The following GRIN2B variants were observed in gnomAD, a reference collection of about 807,000 sequenced individuals.
The protein encoded by GRIN2B is glutamate receptor ionotropic, NMDA 2B.
In GRIN2B, 5 loss-of-function variants were observed where a neutral mutation model predicts 114.5. The observed-to-expected ratio is 0.04, with a 90% CI of 0.02 to 0.09. The LOEUF (loss-of-function observed/expected upper bound fraction) is 0.09, where lower values mean the gene tolerates loss of function less well. GRIN2B is among the 10% of genes least tolerant of loss of function. GRIN2B has a pLI of 1.00. For missense variants in GRIN2B, 1,108 were observed against 1,943.5 expected (o/e 0.57, Z 8.08); for synonymous variants, 787 against 745.1 (o/e 1.06, Z -0.92).
At chr12:13,611,700 G>T (rs1356114260) in intron 9 of GRIN2B, 25 bp downstream of exon 9, 1 of 1,611,292 alleles carries the variant, frequency 6.2e-7, no homozygotes, top group East Asian at 2.2e-5. Context: ...AACTGGGGAA[G>T]TGCAGCGGTT....
chr12:13,562,822 A>T lies in GRIN2B; in HGVS notation c.4416T>A (p.His1472Gln). The change falls in exon 14 of 14, where the codon CAT (histidine) becomes CAA (glutamine). Residue 1472 changes from histidine (H) to glutamine (Q), a missense_variant. Coordinates refer to ENST00000609686, the MANE Select transcript of GRIN2B (RefSeq NM_000834.5). ...CAATACTAGAAAGTTTCTCATAAAC[A>T]TGCCCATTGCTGGAGCCATTGAAAG... Reference protein sequence around the residue: ...PRAFNGSSNGHVYEKLSSIES... With the variant: ...PRAFNGSSNGQVYEKLSSIES... 6.2e-7 allele frequency: 1 copy of T among 1,614,196 alleles called. No individual in the cohort carries two copies. The highest frequency in any genetic ancestry group is 8.5e-7 in the Non-Finnish European group (1 of 1,180,010).
In GRIN2B at chr12:13,753,978, A is replaced by G. The variant is rs1863535332; in HGVS notation, c.412-63T>C. The G allele has an allele frequency of 9.4e-7, 1 of 1,064,292 alleles. No homozygotes were observed. The highest frequency in any genetic ancestry group is 2.4e-5 in the East Asian group (1 of 41,152). The allele number at this position is 1,064,292 out of a possible 1,614,324, so 65.9% of individuals were successfully genotyped here. On this transcript the variant is annotated intron_variant, in intron 3 of 13. Transcript: ENST00000609686. This position sits in a 1 kb window ranked among gnomAD's most constrained non-coding sequence, Gnocchi z 6.2. ...AAAATCAAACCAAAGATGGTAATGG[A>G]GATTTTGAACCAAGTGGGTACAAAG...
chr12:13,967,092 T>A (rs111982984), intron 2 of GRIN2B, among the ~76,000 whole-genome samples: 1,864 of 152,268 alleles, frequency 0.012, 49 homozygotes, highest in African/African-American at 0.043. Flanking sequence ...ATACAACTCA[T>A]TTCACCTTCT....
rs373605349 is a variant in GRIN2B at position 13,590,396 on chromosome 12, C to T, written c.2010+18207G>A. Among the ~76,000 whole-genome samples, 7 of 152,196 alleles carry T rather than the reference C, an allele frequency of 4.6e-5. No individual in the cohort carries two copies. The East Asian group carries it at 9.7e-4, about 21-fold the overall frequency. On this transcript the variant is annotated intron_variant, in intron 10 of 13. Coordinates refer to ENST00000609686, the MANE Select transcript of GRIN2B (RefSeq NM_000834.5). ...TAATGCTCTCCCTCCCCTAGCCCCC[C>T]ACTCCCGACAGGTGCTGGTGTGTGA...
intron 2 of GRIN2B, among the ~76,000 whole-genome samples, chr12:13,979,055 C>T (rs1220508199): frequency 6.6e-6 from 1 of 152,170 alleles, no homozygotes; most frequent in Non-Finnish European, 1.5e-5. Flanking sequence ...TTCTGCACCC[C>T]TTCCACATGC....
rs117849485 is a variant in GRIN2B at position 13,922,717 on chromosome 12, G to A, written c.-18-56491C>T. 1.5e-3 allele frequency among the ~76,000 whole-genome samples: 235 copies of A among 152,318 alleles called. 1 individual carries two copies. The highest frequency in any genetic ancestry group is 2.8e-3 in the Non-Finnish European group (190 of 68,026). On this transcript the variant is annotated intron_variant, in intron 2 of 13. Transcript: ENST00000609686. ...AAGAGAGATGATGAAGTGGATATCT[G>A]TTGGCTTTGCCTGCTGGGCACCTGA... is the stretch of plus-strand genomic sequence containing the variant.
At chr12:13,939,603 A>T (rs1424941776) in intron 2 of GRIN2B, among the ~76,000 whole-genome samples, 2 of 126,992 alleles carry the variant, frequency 1.6e-5, no homozygotes, top group Admixed American at 2.0e-4. Flanking sequence ...CACCCAGGCT[A>T]GAGTGCAGTA....
At chr12:13,877,868 T>C (rs1866013049) in intron 2 of GRIN2B, among the ~76,000 whole-genome samples, 1 of 151,852 alleles carries the variant, frequency 6.6e-6, no homozygotes. Context: ...ATTGAGACCA[T>C]CCAGGCTAAC....
intron 3 of GRIN2B, among the ~76,000 whole-genome samples, chr12:13,834,218 T>TTTTTTTTTTTTTTTTC (rs1565555844): frequency 6.8e-6 from 1 of 146,514 alleles, no homozygotes; most frequent in African/African-American, 2.6e-5. Flanking sequence ...TTTTTTTTTT[T>TTTTTTTTTTTTTTTTC]AGTAGAGATG....
intron 4 of GRIN2B, among the ~76,000 whole-genome samples, chr12:13,741,701 C>T (rs191636114): frequency 3.3e-5 from 5 of 152,214 alleles, no homozygotes; most frequent in Admixed American, 1.3e-4. Flanking sequence ...ACTACAGGTG[C>T]ATGCCACCAT....
Position 13,804,157 on chromosome 12 carries a change from C to CTTT in GRIN2B, c.412-50245_412-50243dup, listed in dbSNP as rs10626018. Reference sequence around the variant, plus strand: ...TGTACCTTGTCATTTCTGCAGCTCTCTTTTTTTTTTTTGTTAGTGAGATAT... The same window carrying CTTT: ...TGTACCTTGTCATTTCTGCAGCTCTCTTTTTTTTTTTTTTTGTTAGTGAGATAT... On this transcript the variant is annotated intron_variant, in intron 3 of 13. Coordinates refer to ENST00000609686, the MANE Select transcript of GRIN2B (RefSeq NM_000834.5). Among the ~76,000 whole-genome samples the CTTT allele has an allele frequency of 2.0e-3, 286 of 143,466 alleles. 1 individual carries two copies. The highest frequency in any genetic ancestry group is 5.3e-3 in the South Asian group (24 of 4,524). The allele number at this position is 143,466 out of a possible 152,430, so 94.1% of individuals were successfully genotyped here.
chr12:13,581,377 A>C (rs1948846756), intron 10 of GRIN2B, among the ~76,000 whole-genome samples: 1 of 152,190 alleles, frequency 6.6e-6, no homozygotes, highest in Non-Finnish European at 1.5e-5. Context: ...ATTAGGGTGA[A>C]GGGATATGTA....
intron 4 of GRIN2B, among the ~76,000 whole-genome samples, chr12:13,712,405 A>ATATAT (rs57234423): frequency 0.029 from 4,351 of 151,958 alleles, 197 homozygotes; most frequent in African/African-American, 0.1. Flanking sequence ...ATAAAATAAA[A>ATATAT]TATATTATTA....
intron 2 of GRIN2B, among the ~76,000 whole-genome samples, chr12:13,888,971 TAATA>T (rs1866212432): frequency 1.3e-5 from 2 of 152,264 alleles, no homozygotes; most frequent in Admixed American, 1.3e-4. Context: ...GTTTCTTCAG[TAATA>T]AATTAGCTTA....
At chr12:13,726,773 AATG>A (rs1204808826) in intron 4 of GRIN2B, among the ~76,000 whole-genome samples, 2 of 151,876 alleles carry the variant, frequency 1.3e-5, no homozygotes, top group Admixed American at 6.6e-5. Flanking sequence ...TCACCTGAGC[AATG>A]TACCCTGTAC....
intron 4 of GRIN2B, among the ~76,000 whole-genome samples, chr12:13,710,266 A>AAT (rs1565509088): frequency 1.3e-5 from 2 of 152,100 alleles, no homozygotes; most frequent in Non-Finnish European, 2.9e-5. Flanking sequence ...ACCCACAGCC[A>AAT]ATATCTTACT....
At chr12:13,629,938 G>A (rs1949603523) in intron 5 of GRIN2B, among the ~76,000 whole-genome samples, 1 of 152,144 alleles carries the variant, frequency 6.6e-6, no homozygotes, top group Non-Finnish European at 1.5e-5. Context: ...AAGGGGTTAG[G>A]TATCCTTCCT....
intron 3 of GRIN2B, among the ~76,000 whole-genome samples, chr12:13,780,063 C>T (rs1454936479): frequency 7.2e-5 from 11 of 152,158 alleles, no homozygotes; most frequent in Admixed American, 7.2e-4. Context: ...GGAAAATTCT[C>T]TCTCCAGAAA....
At position 13,681,873 on chromosome 12, in the gene GRIN2B, C is replaced by A. The variant is rs951560027; in HGVS notation, c.1011-6014G>T. 9.9e-5 allele frequency among the ~76,000 whole-genome samples: 15 copies of A among 152,070 alleles called. 1 individual carries two copies. The highest frequency in any genetic ancestry group is 5.9e-5 in the Non-Finnish European group (4 of 68,004). On this transcript the variant is annotated intron_variant, in intron 4 of 13. Coordinates refer to ENST00000609686, the MANE Select transcript of GRIN2B (RefSeq NM_000834.5). ...TATTATTAGCTGCTGTTATTACTCT[C>A]TACCATGTGAATGGAAAAAACACAA...
Sources: allele counts gnomAD v4.1 joint callset (sites outside exome capture counted in the v4.1 genomes callset), GRCh38; gene constraint gnomAD v4.1.1; non-coding constraint Gnocchi (gnomAD v3.1); transcripts MANE v1.5; gene names NCBI Gene and HGNC (gene_info 2026-07-23, HGNC 2026-07-21).